The following KCNK4 variants were observed in gnomAD, a reference collection of about 807,000 sequenced individuals.
The protein encoded by KCNK4 is potassium channel subfamily K member 4.
KCNK4 carries 22 observed loss-of-function variants against 28.8 expected under a neutral mutation model. The observed-to-expected ratio is 0.76, with a 90% CI of 0.55 to 1.09. KCNK4 has a LOEUF of 1.09. Ranked by LOEUF, KCNK4 falls within the 50% of genes least tolerant of loss-of-function variation. KCNK4 has a pLI of 0.00. For synonymous variants in KCNK4, 263 were observed against 252.9 expected (o/e 1.04, Z -0.38); for missense variants, 483 against 546.3 (o/e 0.88, Z 1.15).
rs778367342 is a variant in KCNK4, at chr11:64,299,438, G to T, written c.894G>T (p.Glu298Asp). The T allele has an allele frequency of 3.8e-6, 6 of 1,594,620 alleles. No individual in the cohort carries two copies. The Admixed American group carries it at 8.6e-5, about 23-fold the overall frequency. Residue 298 changes from glutamate (E) to aspartate (D), a missense_variant, in exon 7 of 7, where the codon GAG becomes GAT. Glu to Asp is a conservative substitution (Grantham distance 45). Transcript: ENST00000422670. ...QRAGPAAPPP[E>D]KEQPLLPPPP... ...CCGGGCCCGCCGCCCCGCCGCCGGA[G>T]AAGGAGCAGCCACTGCTGCCTCCAC...
chr11:64,298,408 T>A (rs933480515), intron 6 of KCNK4, among the ~76,000 whole-genome samples, 159 bp downstream of exon 6: 4 of 152,184 alleles, frequency 2.6e-5, no homozygotes, highest in African/African-American at 9.7e-5. Context: ...CAGAGGGGTA[T>A]AAGTTTGTGG....
chr11:64,298,241 C>T lies in KCNK4; in HGVS notation c.793C>T (p.Arg265Trp), dbSNP rs759333635. Residue 265 changes from arginine to tryptophan, a missense_variant, in exon 6 of 7, where the codon CGG becomes TGG. Physicochemically the swap from Arg to Trp is moderately radical, Grantham distance 101. Coordinates refer to ENST00000422670, the MANE Select transcript of KCNK4 (RefSeq NM_033310.3). ...GCTGCGAGTAGTGTCCCGCCGCACT[C>T]GGGCAGAGGTAGGCGCCCCAGGGTT... ...NWLRVVSRRTRAEMGGLTAQA... is the reference protein window; with the variant it reads ...NWLRVVSRRTWAEMGGLTAQA... The T allele has an allele frequency of 6.2e-7, 1 of 1,612,436 alleles. No homozygotes were observed. Among genetic ancestry groups the T allele is most frequent in the Admixed American group, 1.7e-5 (1 of 60,028 alleles).
Position 64,299,942 on chromosome 11 carries a change from G to A in KCNK4, c.*216G>A. On this transcript the variant is annotated 3_prime_UTR_variant, in exon 7 of 7. Transcript: ENST00000422670. ...TTCTGTGTCGCTGCCCCGGGCGGGTGTATCCCTCACAGCACCTCACGACTG... is the reference window on the plus strand; with the variant it reads ...TTCTGTGTCGCTGCCCCGGGCGGGTATATCCCTCACAGCACCTCACGACTG... 2 of 844,480 alleles carry A rather than the reference G, an allele frequency of 2.4e-6. No homozygotes were observed. Among genetic ancestry groups the A allele is most frequent in the Admixed American group, 2.5e-5 (1 of 39,322 alleles). The allele number at this position is 844,480 out of a possible 1,614,324, so 52.3% of individuals were successfully genotyped here.
rs2034819067 is a variant in KCNK4 at position 64,298,016 on chromosome 11, GT to G, written c.662-93del. On this transcript the variant is annotated intron_variant, in intron 5 of 6. Coordinates refer to ENST00000422670, the MANE Select transcript of KCNK4 (RefSeq NM_033310.3). Reference sequence around the variant, plus strand: ...ATACCCATTGCCCTAGGGAGGGCAGGTCCTCTCCAGGAACTGGGAGGGGGGC... The same window carrying G: ...ATACCCATTGCCCTAGGGAGGGCAGGCCTCTCCAGGAACTGGGAGGGGGGC... 4.8e-6 allele frequency: 7 copies of G among 1,459,186 alleles called. No homozygotes were observed. In the East Asian group the frequency reaches 1.4e-4, roughly 30 times the overall value. 90.4% of individuals were successfully genotyped at this position (1,459,186 alleles called of 1,614,324 possible). A position where few individuals can be genotyped will look rare whatever the true frequency, so the allele number is the denominator to read the frequency against.
Position 64,299,643 on chromosome 11 carries a change from G to A in KCNK4, c.1099G>A (p.Gly367Ser). The change falls in exon 7 of 7, where the codon GGT becomes AGT. Residue 367 changes from glycine (G) to serine (S), a missense_variant. Gly to Ser is a moderately conservative substitution (Grantham distance 56, BLOSUM62 0). Transcript: ENST00000422670. ...RGCPLPRAPRGRRRPNPPRKP... is the reference protein window; with the variant it reads ...RGCPLPRAPRSRRRPNPPRKP... ...CTGCCCGCTGCCCCGCGCGCCGAGA[G>A]GTCGCCGCCGCCCAAATCCCCCCAG... The A allele has an allele frequency of 6.2e-7, 1 of 1,607,096 alleles. No individual in the cohort carries two copies.
Position 64,298,242 on chromosome 11 carries a change from G to A in KCNK4, c.794G>A (p.Arg265Gln), listed in dbSNP as rs1049128278. Residue 265 changes from arginine (R) to glutamine (Q), a missense_variant, in exon 6 of 7, where the codon CGG (arginine) becomes CAG (glutamine). Coordinates refer to ENST00000422670, the MANE Select transcript of KCNK4 (RefSeq NM_033310.3). ...CTGCGAGTAGTGTCCCGCCGCACTC[G>A]GGCAGAGGTAGGCGCCCCAGGGTTG... ...NWLRVVSRRTRAEMGGLTAQA... is the reference protein window; with the variant it reads ...NWLRVVSRRTQAEMGGLTAQA... 7 of 1,612,236 alleles carry A rather than the reference G, an allele frequency of 4.3e-6. No homozygotes were observed. In the South Asian group the frequency reaches 5.5e-5, roughly 13 times the overall value.
At position 64,293,111 on chromosome 11, in the gene KCNK4, C is replaced by A. The variant is rs202162247; in HGVS notation, c.93C>A (p.His31Gln). The A allele has an allele frequency of 5.4e-4, 841 of 1,547,524 alleles. 1 individual carries two copies. The highest frequency in any genetic ancestry group is 7.0e-4 in the Non-Finnish European group (804 of 1,145,338). ...ALVFRALEQP[H>Q]EQQAQRELGE... is the part of the protein sequence containing the mutation. ...TGTTCCGGGCCCTGGAGCAGCCCCA[C>A]GAGCAGCAGGCCCAGAGGGAGCTGG... The change falls in exon 2 of 7, where the codon CAC (histidine) becomes CAA (glutamine). Residue 31 changes from histidine to glutamine, a missense_variant. Transcript: ENST00000422670.
rs1054094323 is a variant in KCNK4 at position 64,299,503 on chromosome 11, C to T, written c.959C>T (p.Pro320Leu). ...PAQPLGRPRS[P>L]SPPEKAQPPS... ...CAGCCGCTGGGCAGGCCCCGATCCC[C>T]TTCGCCCCCCGAGAAGGCTCAGCCG... Residue 320 changes from proline to leucine, a missense_variant, in exon 7 of 7, where the codon CCT (proline) becomes CTT (leucine). Coordinates refer to ENST00000422670, the MANE Select transcript of KCNK4 (RefSeq NM_033310.3). 1.2e-6 allele frequency: 2 copies of T among 1,609,036 alleles called. No individual in the cohort carries two copies. Among genetic ancestry groups the T allele is most frequent in the Non-Finnish European group, 1.7e-6 (2 of 1,178,652 alleles).
Position 64,291,350 on chromosome 11 carries a change from ACCCTTCCC to A in KCNK4, c.-293_-286del, listed in dbSNP as rs2034624244. The A allele has an allele frequency of 1.3e-5, 2 of 152,222 alleles. No individual in the cohort carries two copies. The highest frequency in any genetic ancestry group is 1.3e-4 in the Admixed American group (2 of 15,288). The allele number at this position is 152,222 out of a possible 1,614,324, so 9.4% of individuals were successfully genotyped here. On this transcript the variant is annotated 5_prime_UTR_variant, in exon 1 of 7. Coordinates refer to ENST00000422670, the MANE Select transcript of KCNK4 (RefSeq NM_033310.3). Reference sequence around the variant, plus strand: ...TGTCCCCAGGGGCGGAGAGTTGCGGACCCTTCCCGATCCGGTAATGGGCCTGGGAGATG... The same window carrying A: ...TGTCCCCAGGGGCGGAGAGTTGCGGAGATCCGGTAATGGGCCTGGGAGATG...
rs770320538 is a variant in KCNK4, at chr11:64,297,181, G to C, written c.376G>C (p.Val126Leu). Residue 126 changes from valine to leucine, a missense_variant, in exon 4 of 7, where the codon GTG becomes CTG. Val to Leu is a conservative substitution (Grantham distance 32). Transcript: ENST00000422670. ...CCTCTTCTGCATCTTTTATGCGCTG[G>C]TGGGGATTCCGCTGTTTGGGATCCT... is the stretch of plus-strand genomic sequence containing the variant. ...GRLFCIFYAL[V>L]GIPLFGILLA... is the part of the protein sequence containing the mutation. 1 of 1,614,162 alleles carries C rather than the reference G, an allele frequency of 6.2e-7. No homozygotes were observed. The highest frequency in any genetic ancestry group is 8.5e-7 in the Non-Finnish European group (1 of 1,180,030).
At position 64,299,766 on chromosome 11, in the gene KCNK4, C is replaced by T. The variant is rs945046833; in HGVS notation, c.*40C>T. ...GCCGGGCCTCTCAAGGGCTTCGTTT[C>T]TGCTCTCCCCGGCATGCCTGGCTTG... On this transcript the variant is annotated 3_prime_UTR_variant, in exon 7 of 7. Coordinates refer to ENST00000422670, the MANE Select transcript of KCNK4 (RefSeq NM_033310.3). 6.5e-7 allele frequency: 1 copy of T among 1,539,408 alleles called. No homozygotes were observed. Among genetic ancestry groups the T allele is most frequent in the Non-Finnish European group, 8.7e-7 (1 of 1,148,444 alleles).
rs1452918827 is a variant in KCNK4 at position 64,293,125 on chromosome 11, A to G, written c.107A>G (p.Gln36Arg). The G allele has an allele frequency of 6.5e-6, 10 of 1,545,318 alleles. No individual in the cohort carries two copies. Among genetic ancestry groups the G allele is most frequent in the South Asian group, 4.8e-5 (4 of 83,122 alleles). Residue 36 changes from glutamine to arginine, a missense_variant, in exon 2 of 7, where the codon CAG (glutamine) becomes CGG (arginine). By Grantham distance (43) the Gln-to-Arg change is conservative. Transcript: ENST00000422670. ...ALEQPHEQQA[Q>R]RELGEVREKF... The stretch of plus-strand genomic sequence containing the variant: ...GAGCAGCCCCACGAGCAGCAGGCCC[A>G]GAGGGAGCTGGGGGAGGTCCGAGAG...
chr11:64,299,768 G>C lies in KCNK4; in HGVS notation c.*42G>C. 1.9e-6 allele frequency: 3 copies of C among 1,538,718 alleles called. No individual in the cohort carries two copies. Among genetic ancestry groups the C allele is most frequent in the Non-Finnish European group, 2.6e-6 (3 of 1,148,138 alleles). The stretch of plus-strand genomic sequence containing the variant: ...CGGGCCTCTCAAGGGCTTCGTTTCT[G>C]CTCTCCCCGGCATGCCTGGCTTGTT... On this transcript the variant is annotated 3_prime_UTR_variant, in exon 7 of 7. Transcript: ENST00000422670.
chr11:64,291,948 G>A, intron 1 of KCNK4: 2 of 911,824 alleles, frequency 2.2e-6, no homozygotes, highest in Non-Finnish European at 2.8e-6. Context: ...TCGCTGTGCG[G>A]ACGCGGGGGA....
At chr11:64,293,245 A>G (rs80251760) in intron 2 of KCNK4, 38 bp downstream of exon 2, 22 of 1,415,708 alleles carry the variant, frequency 1.6e-5, no homozygotes, top group Non-Finnish European at 1.8e-5. Context: ...GCTGTCACCC[A>G]TCACCCCTGG....
intron 2 of KCNK4, among the ~76,000 whole-genome samples, chr11:64,293,760 C>A (rs1450973930): frequency 6.6e-6 from 1 of 152,030 alleles, no homozygotes; most frequent in Non-Finnish European, 1.5e-5. Flanking sequence ...ATCACCACAC[C>A]CGGCTAAATT....
chr11:64,291,653 G>C (rs950243034), intron 1 of KCNK4, 87 bp downstream of exon 1: 1 of 151,928 alleles, frequency 6.6e-6, no homozygotes, highest in South Asian at 2.1e-4. Flanking sequence ...GAGGAGGGGG[G>C]CTTCTGCCGG....
intron 5 of KCNK4, 149 bp downstream of exon 5, chr11:64,297,802 C>T: frequency 1.2e-6 from 1 of 822,252 alleles, no homozygotes; most frequent in South Asian, 1.8e-5. Flanking sequence ...TGCACACACA[C>T]CAGCGCCTTA....
In KCNK4 at chr11:64,297,645, A is replaced by G. The variant is rs2034810000; in HGVS notation, c.653A>G (p.Tyr218Cys). The change falls in exon 5 of 7, where the codon TAT (tyrosine) becomes TGT (cysteine). Residue 218 changes from tyrosine (Y) to cysteine (C), a missense_variant. By Grantham distance (194) the Tyr-to-Cys change is radical (BLOSUM62 -2). Transcript: ENST00000422670. ...CTTACCACCGTGGGCTTTGGCGACT[A>G]TGTGGCCGGTGAGGCCGCCCTTCTT... Reference protein sequence around the residue: ...VTLTTVGFGDYVAGADPRQDS... With the variant: ...VTLTTVGFGDCVAGADPRQDS... 8.7e-6 allele frequency: 14 copies of G among 1,609,118 alleles called. No individual in the cohort carries two copies. Among genetic ancestry groups the G allele is most frequent in the Non-Finnish European group, 1.2e-5 (14 of 1,176,078 alleles).
Sources: allele counts gnomAD v4.1 joint callset (sites outside exome capture counted in the v4.1 genomes callset), GRCh38; gene constraint gnomAD v4.1.1; transcripts MANE v1.5; gene names NCBI Gene and HGNC (gene_info 2026-07-23, HGNC 2026-07-21).